FBXW7: variants seen among roughly 807,000 people sequenced by gnomAD.
The protein encoded by FBXW7 is F-box and WD repeat domain containing 7, also known as F-box/WD repeat-containing protein 7.
FBXW7 carries 11 observed loss-of-function variants against 86.3 expected under a neutral mutation model. That is an observed-to-expected ratio of 0.13 (90% CI 0.08 to 0.21). The LOEUF is 0.21. FBXW7 is among the 10% of genes least tolerant of loss of function. FBXW7 has a pLI of 1.00. For missense variants in FBXW7, 488 were observed against 847.4 expected (o/e 0.58, Z 5.27); for synonymous variants, 313 against 297.9 (o/e 1.05, Z -0.52).
chr4:152,390,667 ACAGTT>A, intron 4 of FBXW7, among the ~76,000 whole-genome samples: 1 of 152,224 alleles, frequency 6.6e-6, no homozygotes, highest in East Asian at 1.9e-4. Flanking sequence ...AAGTCCATAA[ACAGTT>A]TAAACATAAC....
At chr4:152,427,345 T>C (rs967243406) in intron 2 of FBXW7, among the ~76,000 whole-genome samples, 1 of 152,246 alleles carries the variant, frequency 6.6e-6, no homozygotes, top group African/African-American at 2.4e-5. Context: ...TATTGATCAA[T>C]GGCCGTGCAT....
intron 2 of FBXW7, among the ~76,000 whole-genome samples, chr4:152,454,768 T>C (rs1284114147): frequency 1.3e-5 from 2 of 152,114 alleles, no homozygotes; most frequent in East Asian, 1.9e-4. Context: ...AAGAAAAAGA[T>C]ATGGAAGATA....
chr4:152,344,670 A>C (rs993495387), intron 6 of FBXW7, among the ~76,000 whole-genome samples: 1 of 152,190 alleles, frequency 6.6e-6, no homozygotes, highest in Non-Finnish European at 1.5e-5. Context: ...CTAAACAAGC[A>C]AACGGTGTAC....
At chr4:152,387,708 C>CTT (rs34073737) in intron 4 of FBXW7, among the ~76,000 whole-genome samples, 2,433 of 112,788 alleles carry the variant, frequency 0.022, 170 homozygotes, top group African/African-American at 0.051. Flanking sequence ...CATGGCATAC[C>CTT]TTTTTTTTTT....
intron 2 of FBXW7, among the ~76,000 whole-genome samples, chr4:152,414,390 G>A (rs554001146): frequency 4.7e-4 from 72 of 151,996 alleles, no homozygotes; most frequent in Non-Finnish European, 8.4e-4. Flanking sequence ...GCTGCAACAA[G>A]AAGGCAGAGC....
intron 4 of FBXW7, among the ~76,000 whole-genome samples, chr4:152,409,365 G>C (rs1737720592): frequency 6.6e-6 from 1 of 152,128 alleles, no homozygotes; most frequent in East Asian, 1.9e-4. Context: ...TAATGATCAA[G>C]AATTTAAAGC....
Position 152,381,260 on chromosome 4 carries a change from T to C in FBXW7, c.501+30043A>G, listed in dbSNP as rs114371642. ...AATATTCTTCCAGTGTTATGGATTA[T>C]TCTATTTAATAGAATATTTCCCCTT... On this transcript the variant is annotated intron_variant, in intron 4 of 13. Transcript: ENST00000281708. Among the ~76,000 whole-genome samples, 745 of 152,192 alleles carry C rather than the reference T, an allele frequency of 4.9e-3. 5 individuals are homozygous for C. The highest frequency in any genetic ancestry group is 0.017 in the African/African-American group (714 of 41,556).
intron 2 of FBXW7, among the ~76,000 whole-genome samples, chr4:152,520,518 CTCTT>C: frequency 6.6e-6 from 1 of 151,986 alleles, no homozygotes; most frequent in East Asian, 1.9e-4. Context: ...TCCAGTTGTC[CTCTT>C]TCTTTCCTAC....
chr4:152,484,919 G>A (rs1448067365), intron 2 of FBXW7, among the ~76,000 whole-genome samples: 3 of 145,332 alleles, frequency 2.1e-5, no homozygotes, highest in Non-Finnish European at 3.0e-5. Flanking sequence ...CTGAGATCGC[G>A]CCACTGCACT....
intron 2 of FBXW7, among the ~76,000 whole-genome samples, chr4:152,445,719 G>A (rs776957423): frequency 8.6e-5 from 13 of 151,966 alleles, no homozygotes; most frequent in Admixed American, 3.3e-4. Context: ...ATCAGCCTGG[G>A]CAACATGGCA....
At chr4:152,427,563 TAAAA>T (rs1739496381) in intron 2 of FBXW7, among the ~76,000 whole-genome samples, 1 of 152,164 alleles carries the variant, frequency 6.6e-6, no homozygotes, top group Non-Finnish European at 1.5e-5. Context: ...TCTAAACCTG[TAAAA>T]TAAGGGGATT....
chr4:152,432,483 T>C (rs1739992954), intron 2 of FBXW7, among the ~76,000 whole-genome samples: 1 of 152,144 alleles, frequency 6.6e-6, no homozygotes, highest in African/African-American at 2.4e-5. Context: ...AAAACATATA[T>C]ATCTATATAT....
chr4:152,347,946 T>C (rs914118317), intron 5 of FBXW7, among the ~76,000 whole-genome samples: 1 of 152,058 alleles, frequency 6.6e-6, no homozygotes, highest in Non-Finnish European at 1.5e-5. Flanking sequence ...AAGGTAAATA[T>C]TGGGTATCCA....
At chr4:152,471,785 A>G (rs1743992270) in intron 2 of FBXW7, among the ~76,000 whole-genome samples, 1 of 152,138 alleles carries the variant, frequency 6.6e-6, no homozygotes, top group Non-Finnish European at 1.5e-5. Context: ...CTGCAGTCCC[A>G]GCTACTCAGA....
intron 2 of FBXW7, among the ~76,000 whole-genome samples, chr4:152,522,399 T>C (rs1749106695): frequency 6.6e-6 from 1 of 152,232 alleles, no homozygotes; most frequent in South Asian, 2.1e-4. Context: ...TACATGTCTG[T>C]CTTTTAAAAT....
chr4:152,505,358 T>C (rs1312522103), intron 2 of FBXW7, among the ~76,000 whole-genome samples: 2 of 152,198 alleles, frequency 1.3e-5, no homozygotes, highest in African/African-American at 2.4e-5. Context: ...ATTTTTTCTT[T>C]CTTCCGTAAT....
intron 4 of FBXW7, among the ~76,000 whole-genome samples, chr4:152,361,999 CAGAAAAAAGAAA>C (rs925935132): frequency 5.0e-5 from 7 of 139,598 alleles, no homozygotes; most frequent in East Asian, 2.1e-4. Flanking sequence ...CAGAACAGAA[CAGAAAAAAGAAA>C]AGAAAAAAGA....
rs1387158105 is a variant in FBXW7, at chr4:152,337,925, T to C, written c.738A>G (p.Gly246=). 6.2e-7 allele frequency: 1 copy of C among 1,610,572 alleles called. No homozygotes were observed. Among genetic ancestry groups the C allele is most frequent in the East Asian group, 2.2e-5 (1 of 44,740 alleles). The change falls in exon 7 of 14, where the codon GGA becomes GGG. Residue 246 remains glycine (G), a synonymous_variant. Coordinates refer to ENST00000281708, the MANE Select transcript of FBXW7 (RefSeq NM_001349798.2). ...EWLKMFQSWS[G]PEKLLALDEL... ...CATCTAAAGCAAGCAATTTCTCTGGTCCACTCCAGCTCTATCAAAGAGAAT... is the reference window on the plus strand; with the variant it reads ...CATCTAAAGCAAGCAATTTCTCTGGCCCACTCCAGCTCTATCAAAGAGAAT...
At chr4:152,515,799 G>C (rs771959107) in intron 2 of FBXW7, among the ~76,000 whole-genome samples, 1 of 140,166 alleles carries the variant, frequency 7.1e-6, no homozygotes, top group Non-Finnish European at 1.5e-5. Flanking sequence ...ATAATGTGTT[G>C]TATCATGTTT....
Sources: gnomAD v4.1 joint callset for allele counts (sites outside exome capture counted in the v4.1 genomes callset) on GRCh38, gnomAD v4.1.1 for gene constraint, MANE v1.5 for transcripts, NCBI Gene and HGNC (gene_info 2026-07-23, HGNC 2026-07-21) for gene names.